Variants in TMEM117 observed in about 807,000 individuals in gnomAD.
TMEM117 encodes transmembrane protein 117.
In TMEM117, 27 loss-of-function variants were observed where a neutral mutation model predicts 52.4. The ratio of observed to expected loss-of-function variants is 0.51; its 90% CI spans 0.38 to 0.71. TMEM117 has a LOEUF of 0.71. Among genes scored for constraint, TMEM117 ranks in the 30% least tolerant of loss-of-function variants. The probability of loss-of-function intolerance (pLI) is 0.00; values close to 1 mark genes in which losing one functional copy is unlikely to be tolerated. For missense variants in TMEM117, 556 were observed against 630.5 expected (o/e 0.88, Z 1.26); for synonymous variants, 215 against 206.3 (o/e 1.04, Z -0.36).
intron 3 of TMEM117, among the ~76,000 whole-genome samples, chr12:44,092,007 GA>G (rs1266037597): frequency 6.6e-6 from 1 of 152,144 alleles, no homozygotes; most frequent in Non-Finnish European, 1.5e-5. Context: ...TAGAACTGAT[GA>G]GGGGGGAAAA....
chr12:43,929,924 T>C (rs1463578263), intron 2 of TMEM117, among the ~76,000 whole-genome samples: 1 of 152,140 alleles, frequency 6.6e-6, no homozygotes, highest in Non-Finnish European at 1.5e-5. Context: ...TTTCAGTAAT[T>C]TTTTTATGTC....
chr12:44,395,620 T>C, the TMEM117 span, among the ~76,000 whole-genome samples: 2 of 152,232 alleles, frequency 1.3e-5, no homozygotes, highest in Admixed American at 1.3e-4. Flanking sequence ...ATATGGCCAC[T>C]GAACTGGGTG....
In TMEM117 at chr12:43,899,172, A is replaced by G. The variant is rs950553105; in HGVS notation, c.278-45038A>G. Among the ~76,000 whole-genome samples, 3 of 152,204 alleles carry G rather than the reference A, an allele frequency of 2.0e-5. No homozygotes were observed. In the East Asian group the frequency reaches 5.8e-4, roughly 29 times the overall value. Reference sequence around the variant, plus strand: ...TTCATATTGCTTGAAGTCTGATCCTAAATATGTTTAATTACAAAACCCAAA... The same window carrying G: ...TTCATATTGCTTGAAGTCTGATCCTGAATATGTTTAATTACAAAACCCAAA... On this transcript the variant is annotated intron_variant, in intron 2 of 7. Coordinates refer to ENST00000266534, the MANE Select transcript of TMEM117 (RefSeq NM_032256.3).
intron 6 of TMEM117, among the ~76,000 whole-genome samples, chr12:44,337,867 T>G (rs1314318621): frequency 1.3e-5 from 2 of 152,032 alleles, no homozygotes; most frequent in Admixed American, 1.3e-4. Flanking sequence ...TGAAGAAAAA[T>G]GTAGCCTAAC....
At chr12:43,987,758 A>G (rs1013367816) in intron 3 of TMEM117, among the ~76,000 whole-genome samples, 2 of 152,032 alleles carry the variant, frequency 1.3e-5, no homozygotes, top group Non-Finnish European at 2.9e-5. Flanking sequence ...AAATAAAAAC[A>G]TGTACATTAA....
At position 43,998,263 on chromosome 12, in the gene TMEM117, C is replaced by T. The variant is rs565044419; in HGVS notation, c.410+53921C>T. On this transcript the variant is annotated intron_variant, in intron 3 of 7. Coordinates refer to ENST00000266534, the MANE Select transcript of TMEM117 (RefSeq NM_032256.3). ...ATCCAGACATTGGTAGAGGGAAAGGCAAGGACTGGAAATGTTGTCAGGGCT... is the reference window on the plus strand; with the variant it reads ...ATCCAGACATTGGTAGAGGGAAAGGTAAGGACTGGAAATGTTGTCAGGGCT... Among the ~76,000 whole-genome samples, 8 of 152,344 alleles carry T rather than the reference C, an allele frequency of 5.3e-5. No individual in the cohort carries two copies. In the East Asian group the frequency reaches 1.5e-3, roughly 29 times the overall value.
chr12:44,276,594 A>C (rs1468676823), intron 5 of TMEM117, among the ~76,000 whole-genome samples: 1 of 152,134 alleles, frequency 6.6e-6, no homozygotes, highest in Non-Finnish European at 1.5e-5. Flanking sequence ...AGTTAATAAC[A>C]CTATGTTGTA....
At chr12:43,855,331 T>A (rs1476926188) in intron 2 of TMEM117, among the ~76,000 whole-genome samples, 6 of 151,832 alleles carry the variant, frequency 4.0e-5, no homozygotes, top group Admixed American at 2.0e-4. Context: ...GGTGTGATCT[T>A]GGCTCACTGC....
the TMEM117 span, chr12:43,798,537 A>T: frequency 6.7e-7 from 1 of 1,497,992 alleles, no homozygotes; most frequent in African/African-American, 1.4e-5. Context: ...GTTAATGAAA[A>T]CATCATAGAA....
intron 6 of TMEM117, among the ~76,000 whole-genome samples, chr12:44,342,417 A>C (rs966377177): frequency 2.0e-5 from 3 of 152,118 alleles, no homozygotes; most frequent in Admixed American, 6.5e-5. Flanking sequence ...CTTTGGTCTG[A>C]CCTTTCCTTC....
intron 3 of TMEM117, among the ~76,000 whole-genome samples, chr12:44,078,206 C>T (rs755493204): frequency 9.2e-5 from 14 of 152,150 alleles, no homozygotes; most frequent in Non-Finnish European, 1.9e-4. Context: ...TTTTGTTCCC[C>T]TCAACTAGTA....
intron 6 of TMEM117, among the ~76,000 whole-genome samples, chr12:44,312,661 C>G (rs1479044681): frequency 1.3e-5 from 2 of 152,094 alleles, no homozygotes; most frequent in Non-Finnish European, 2.9e-5. Context: ...AATGGTAGTT[C>G]TGTTTAAGTT....
At chr12:43,829,287 G>T in the TMEM117 span, among the ~76,000 whole-genome samples, 4 of 152,116 alleles carry the variant, frequency 2.6e-5, no homozygotes, top group Non-Finnish European at 5.9e-5. Context: ...ATTTAGCCCC[G>T]ATCATCTGTA....
At chr12:43,937,272 A>G (rs1448176669) in intron 2 of TMEM117, among the ~76,000 whole-genome samples, 1 of 152,142 alleles carries the variant, frequency 6.6e-6, no homozygotes, top group Non-Finnish European at 1.5e-5. Context: ...TTTGAGATGA[A>G]ATTTGAAATA....
At chr12:43,926,445 A>G (rs1479339245) in intron 2 of TMEM117, among the ~76,000 whole-genome samples, 1 of 152,248 alleles carries the variant, frequency 6.6e-6, no homozygotes, top group African/African-American at 2.4e-5. Flanking sequence ...GTCTGAGAAA[A>G]AAATAAATGT....
chr12:44,138,656 C>T (rs1390531445), intron 3 of TMEM117, among the ~76,000 whole-genome samples: 1 of 152,108 alleles, frequency 6.6e-6, no homozygotes, highest in Non-Finnish European at 1.5e-5. Context: ...CAATTTTAAT[C>T]ATTACAGGCT....
chr12:43,995,056 C>T (rs1446198674), intron 3 of TMEM117, among the ~76,000 whole-genome samples: 2 of 151,940 alleles, frequency 1.3e-5, no homozygotes, highest in Non-Finnish European at 2.9e-5. Flanking sequence ...GCGGGTGGAT[C>T]ACGAGGTCAG....
rs79132908 is a variant in TMEM117, at chr12:44,100,195, G to A, written c.411-43330G>A. 3.2e-3 allele frequency among the ~76,000 whole-genome samples: 485 copies of A among 151,962 alleles called. 1 individual carries two copies. The highest frequency in any genetic ancestry group is 4.9e-3 in the Non-Finnish European group (336 of 67,910). On this transcript the variant is annotated intron_variant, in intron 3 of 7. Coordinates refer to ENST00000266534, the MANE Select transcript of TMEM117 (RefSeq NM_032256.3). ...TGCTGAAGCTAAAAACTGAAAACAC[G>A]GGTTATTTTATGCCCCATAAACGTG...
At chr12:44,322,123 T>G (rs1234851074) in intron 6 of TMEM117, among the ~76,000 whole-genome samples, 1 of 152,200 alleles carries the variant, frequency 6.6e-6, no homozygotes, top group African/African-American at 2.4e-5. Context: ...AATTGGCGAC[T>G]TATGTCAGAG....
Sources: allele counts gnomAD v4.1 joint callset (sites outside exome capture counted in the v4.1 genomes callset), GRCh38; gene constraint gnomAD v4.1.1; transcripts MANE v1.5; gene names NCBI Gene and HGNC (gene_info 2026-07-23, HGNC 2026-07-21).